Variants in TENM2 observed in about 807,000 individuals in gnomAD.
TENM2 encodes teneurin-2.
In TENM2, 52 loss-of-function variants were observed where a neutral mutation model predicts 245.2. That is an observed-to-expected ratio of 0.21 (90% confidence interval 0.17 to 0.27). TENM2 has a LOEUF of 0.27. Among genes scored for constraint, TENM2 ranks in the 10% least tolerant of loss-of-function variants. TENM2 has a pLI of 1.00. For missense variants in TENM2, 3,046 were observed against 3,666.8 expected, an observed-to-expected ratio of 0.83 and a Z score of 4.37; for synonymous variants, 1,363 against 1,438.9, an observed-to-expected ratio of 0.95 and a Z score of 1.19.
chr5:167,056,734 GAT>G, the TENM2 span, among the ~76,000 whole-genome samples: 1 of 149,478 alleles, frequency 6.7e-6, no homozygotes, highest in Non-Finnish European at 1.5e-5. Context: ...GTTTGAATAT[GAT>G]ATACCTAGGT....
At chr5:167,434,459 A>C (rs1180222187) in intron 2 of TENM2, among the ~76,000 whole-genome samples, 1 of 150,642 alleles carries the variant, frequency 6.6e-6, no homozygotes, top group Admixed American at 6.6e-5. Context: ...TTAATAATAT[A>C]GGAAAACATT....
intron 21 of TENM2, among the ~76,000 whole-genome samples, chr5:168,216,258 AAGTGCTGATTGG>A (rs1350274709): frequency 6.6e-6 from 1 of 152,150 alleles, no homozygotes; most frequent in Admixed American, 6.5e-5. Flanking sequence ...TGGGGCATTG[AAGTGCTGATTGG>A]AGTCAAGCTT....
chr5:167,679,501 TATTTAA>T (rs1285585433), intron 2 of TENM2, among the ~76,000 whole-genome samples: 1 of 152,184 alleles, frequency 6.6e-6, no homozygotes, highest in Non-Finnish European at 1.5e-5. Context: ...TAATTTGATT[TATTTAA>T]AGTTAAGCGG....
At chr5:167,128,493 T>C in the TENM2 span, among the ~76,000 whole-genome samples, 1 of 151,696 alleles carries the variant, frequency 6.6e-6, no homozygotes, top group African/African-American at 2.4e-5. Context: ...ACAGGTGATA[T>C]GGATGCTGCT....
chr5:167,188,047 C>T, the TENM2 span, among the ~76,000 whole-genome samples: 3,289 of 152,210 alleles, frequency 0.022, 121 homozygotes, highest in African/African-American at 0.075. Context: ...GGGAGCTTGG[C>T]TTCAATCTTC....
At chr5:168,081,763 C>T (rs1246431193) in intron 7 of TENM2, among the ~76,000 whole-genome samples, 1 of 152,250 alleles carries the variant, frequency 6.6e-6, no homozygotes, top group Non-Finnish European at 1.5e-5. Context: ...TTGGCCCCCA[C>T]TCTCTTCTGG....
the TENM2 span, among the ~76,000 whole-genome samples, chr5:167,052,498 G>A: frequency 1.3e-5 from 2 of 152,012 alleles, no homozygotes; most frequent in African/African-American, 2.4e-5. Flanking sequence ...TATTTTAAAC[G>A]GTCCTTTGAA....
At position 168,227,258 on chromosome 5, in the gene TENM2, T is replaced by TAAAC. The variant is rs1380495905; in HGVS notation, c.5285-635_5285-632dup. Among the ~76,000 whole-genome samples, 4 of 152,320 alleles carry TAAAC rather than the reference T, an allele frequency of 2.6e-5. No homozygotes were observed. In the East Asian group the frequency reaches 5.8e-4, roughly 22 times the overall value. On this transcript the variant is annotated intron_variant, in intron 24 of 28. Transcript: ENST00000518659. Reference sequence around the variant, plus strand: ...CTCGTGTAGTTTCCACTGGGGAAGATAAACACATTATCAGCACCCACCCAC... The same window carrying TAAAC: ...CTCGTGTAGTTTCCACTGGGGAAGATAAACAAACACATTATCAGCACCCACCCAC...
chr5:168,122,331 C>T (rs1795526878), intron 10 of TENM2, among the ~76,000 whole-genome samples: 1 of 152,212 alleles, frequency 6.6e-6, no homozygotes, highest in Non-Finnish European at 1.5e-5. Flanking sequence ...CACCGGCCAC[C>T]ACGCCTGGCT....
the TENM2 span, among the ~76,000 whole-genome samples, chr5:167,256,356 A>C: frequency 6.6e-5 from 10 of 152,166 alleles, no homozygotes; most frequent in African/African-American, 2.4e-4. Flanking sequence ...CAAATAAAAT[A>C]TATTGGTCAA....
At chr5:167,217,707 A>G in the TENM2 span, among the ~76,000 whole-genome samples, 1 of 134,688 alleles carries the variant, frequency 7.4e-6, no homozygotes, top group African/African-American at 3.0e-5. Context: ...TATATATGTA[A>G]TGAGTGATAT....
At chr5:167,009,700 T>TC in the TENM2 span, among the ~76,000 whole-genome samples, 1 of 152,190 alleles carries the variant, frequency 6.6e-6, no homozygotes, top group South Asian at 2.1e-4. Flanking sequence ...ATTTTTTTTT[T>TC]CCCACTGATC....
intron 5 of TENM2, among the ~76,000 whole-genome samples, chr5:168,015,021 C>A (rs138965832): frequency 1.3e-5 from 2 of 152,194 alleles, no homozygotes; most frequent in Admixed American, 6.5e-5. Context: ...GCTAAACAAG[C>A]CTGTAACTGA....
At chr5:167,547,145 G>C (rs111392482) in intron 2 of TENM2, among the ~76,000 whole-genome samples, 2,709 of 152,226 alleles carry the variant, frequency 0.018, 79 homozygotes, top group African/African-American at 0.062. Flanking sequence ...GAGTGTAATG[G>C]CTTGATCTCG....
At chr5:167,561,364 T>C (rs747736717) in intron 2 of TENM2, among the ~76,000 whole-genome samples, 2 of 152,284 alleles carry the variant, frequency 1.3e-5, no homozygotes, top group Non-Finnish European at 2.9e-5. Context: ...CCCAAGGTCA[T>C]TGTATAAATA....
intron 8 of TENM2, among the ~76,000 whole-genome samples, chr5:168,097,603 CGTGT>C (rs3083428): frequency 2.3e-4 from 34 of 148,764 alleles, no homozygotes; most frequent in Non-Finnish European, 3.0e-4. Context: ...TGTGTGTGTG[CGTGT>C]GTGTGTGTGT....
intron 2 of TENM2, among the ~76,000 whole-genome samples, chr5:167,571,720 C>A (rs1439735807): frequency 6.6e-6 from 1 of 152,200 alleles, no homozygotes; most frequent in Non-Finnish European, 1.5e-5. Flanking sequence ...GTTCAATAAA[C>A]CTCGGGCCCC....
At chr5:168,262,852 G>A in exon 29 of TENM2, 1 of 1,523,778 alleles carries the variant, frequency 6.6e-7, no homozygotes. Flanking sequence ...TGGCTCAGCA[G>A]GAGTAACTGT....
chr5:167,619,696 T>C (rs960064391), intron 2 of TENM2, among the ~76,000 whole-genome samples: 8 of 152,164 alleles, frequency 5.3e-5, no homozygotes, highest in African/African-American at 1.9e-4. Context: ...TAATAAAAGA[T>C]ATACTTAATG....
Sources: allele counts gnomAD v4.1 joint callset (sites outside exome capture counted in the v4.1 genomes callset), GRCh38; gene constraint gnomAD v4.1.1; transcripts MANE v1.5; gene names NCBI Gene and HGNC (gene_info 2026-07-23, HGNC 2026-07-21).